Variants in PRH1 observed in about 807,000 individuals in gnomAD.
PRH1 encodes the protein salivary acidic proline-rich phosphoprotein 1/2.
Under a neutral mutation model 7.9 loss-of-function variants are expected in PRH1, and 7 were observed. That is an observed-to-expected ratio of 0.89 (90% confidence interval 0.50 to 1.67). PRH1 has a LOEUF of 1.67. Ranked by LOEUF, PRH1 falls within the 40% of genes most tolerant of loss-of-function variation. The pLI, the probability that PRH1 is intolerant of heterozygous loss-of-function variation, is 0.00. For missense variants in PRH1, 109 were observed against 223.6 expected, an observed-to-expected ratio of 0.49 and a Z score of 3.27; for synonymous variants, 45 against 80.8, an observed-to-expected ratio of 0.56 and a Z score of 2.38.
chr12:10,966,994 A>G (rs1938532834), intron 2 of PRH1, among the ~76,000 whole-genome samples: 1 of 152,024 alleles, frequency 6.6e-6, no homozygotes, highest in Non-Finnish European at 1.5e-5. Context: ...GGGCACCTGT[A>G]GTCCCAGCTA....
In PRH1 at chr12:11,097,464, T is replaced by G. The variant is rs190799981; in HGVS notation, n.124-50276A>C. ...GCTGTATCTTTCTTATTAAGGAATT[T>G]TATTTACACGAAAATTAAATTGTTT... On this transcript the variant is annotated intron_variant and non_coding_transcript_variant, in intron 1 of 4. Coordinates refer to the PRH1 transcript ENST00000541977. Among the ~76,000 whole-genome samples the G allele has an allele frequency of 1.7e-5, 2 of 114,838 alleles. 1 individual carries two copies. The highest frequency in any genetic ancestry group is 1.8e-4 in the Admixed American group (2 of 11,394). 75.3% of individuals were successfully genotyped at this position (114,838 alleles called of 152,430 possible).
intron 2 of PRH1, among the ~76,000 whole-genome samples, chr12:10,927,129 G>A (rs574216845): frequency 6.6e-6 from 1 of 152,296 alleles, no homozygotes; most frequent in East Asian, 1.9e-4. Context: ...TCATGGAAGG[G>A]ACCTGAGCTG....
intron 1 of PRH1, among the ~76,000 whole-genome samples, chr12:11,128,800 G>T (rs1946226179): frequency 6.6e-6 from 1 of 151,734 alleles, no homozygotes. Context: ...GTTTTGTTAG[G>T]AGTTAATATA....
At chr12:10,943,207 T>G (rs952317954) in intron 2 of PRH1, among the ~76,000 whole-genome samples, 2 of 152,222 alleles carry the variant, frequency 1.3e-5, no homozygotes, top group Non-Finnish European at 2.9e-5. Context: ...GAACTGCAAT[T>G]TAGTCCTGCC....
chr12:10,917,152 G>A (rs1949983681), intron 2 of PRH1, among the ~76,000 whole-genome samples: 1 of 152,084 alleles, frequency 6.6e-6, no homozygotes, highest in South Asian at 2.1e-4. Context: ...TATGAGATAA[G>A]CTGGTGAGAA....
intron 1 of PRH1, among the ~76,000 whole-genome samples, chr12:11,000,930 T>C (rs192329479): frequency 6.6e-6 from 1 of 152,268 alleles, no homozygotes; most frequent in African/African-American, 2.4e-5. Flanking sequence ...TCATTATCTA[T>C]GGAGAAGCAG....
intron 2 of PRH1, among the ~76,000 whole-genome samples, chr12:10,904,394 G>A (rs1395827524): frequency 2.0e-5 from 3 of 152,018 alleles, no homozygotes; most frequent in Admixed American, 6.5e-5. Context: ...GCCATCTGAT[G>A]TTTGACAAAA....
chr12:11,153,751 G>T (rs1245783388), intron 1 of PRH1, among the ~76,000 whole-genome samples: 1 of 152,070 alleles, frequency 6.6e-6, no homozygotes, highest in African/African-American at 2.4e-5. Flanking sequence ...ATGTGATACA[G>T]GACAAAGTAA....
intron 2 of PRH1, among the ~76,000 whole-genome samples, chr12:10,911,144 T>C (rs1166053799): frequency 6.6e-6 from 1 of 152,192 alleles, no homozygotes; most frequent in African/African-American, 2.4e-5. Flanking sequence ...TTATACTTTT[T>C]CATTTTAGGG....
rs571391662 is a variant in PRH1, at chr12:11,037,645, T to C, written c.-126+9375A>G. Among the ~76,000 whole-genome samples the C allele has an allele frequency of 1.3e-4, 20 of 152,384 alleles. No homozygotes were observed. In the South Asian group the frequency reaches 4.1e-3, roughly 32 times the overall value. ...TCAAATTGGAAATAAAAAGTGTCTA[T>C]CAATAATAAATATTCAAATTTTGAT... On this transcript the variant is annotated intron_variant, in intron 1 of 3. Transcript: ENST00000539853.
intron 1 of PRH1, chr12:11,078,163 A>T: frequency 1.8e-6 from 1 of 545,674 alleles, no homozygotes; most frequent in Non-Finnish European, 3.6e-6. Flanking sequence ...TACTAGAGCT[A>T]TGAAGCCATT....
chr12:11,018,784 A>AG (rs370587120), intron 1 of PRH1, among the ~76,000 whole-genome samples: 1 of 140,312 alleles, frequency 7.1e-6, no homozygotes, highest in African/African-American at 2.6e-5. Context: ...GTGAGGTCTA[A>AG]GGGGAACCCC....
rs772907408 is a variant in PRH1 at position 10,997,994 on chromosome 12, T to C, written c.-125-24273A>G. On this transcript the variant is annotated intron_variant, in intron 1 of 3. Coordinates refer to the PRH1 transcript ENST00000539853. ...TTCCTGAATGTCCAATAACATTCTT[T>C]ATACTTTTAAATTCTGTGAACAATG... 2.5e-4 allele frequency: 162 copies of C among 650,660 alleles called. 2 individuals carry two copies. The highest frequency in any genetic ancestry group is 1.7e-3 in the Middle Eastern group (5 of 2,990). The allele number at this position is 650,660 out of a possible 1,614,324, so 40.3% of individuals were successfully genotyped here.
At chr12:10,922,907 C>A (rs1172030376) in intron 2 of PRH1, among the ~76,000 whole-genome samples, 5 of 134,818 alleles carry the variant, frequency 3.7e-5, no homozygotes, top group Non-Finnish European at 7.8e-5. Flanking sequence ...CGGCTCACTG[C>A]AAGCTCCGCT....
intron 2 of PRH1, among the ~76,000 whole-genome samples, chr12:10,943,607 T>C (rs1171050609): frequency 6.6e-6 from 1 of 152,194 alleles, no homozygotes; most frequent in Non-Finnish European, 1.5e-5. Context: ...TTGTTTTTGT[T>C]TGATTGCTTT....
intron 2 of PRH1, among the ~76,000 whole-genome samples, chr12:10,927,729 T>C (rs1349632785): frequency 6.6e-6 from 1 of 152,236 alleles, no homozygotes; most frequent in Non-Finnish European, 1.5e-5. Flanking sequence ...TTTATGATTT[T>C]CTGTCACATG....
intron 1 of PRH1, among the ~76,000 whole-genome samples, chr12:11,035,419 T>G (rs1049175897): frequency 2.0e-5 from 3 of 152,154 alleles, no homozygotes; most frequent in African/African-American, 7.2e-5. Flanking sequence ...TTAACTGGTT[T>G]TTAACTCTAT....
chr12:11,142,355 A>G (rs936958571), intron 1 of PRH1, among the ~76,000 whole-genome samples: 1 of 152,186 alleles, frequency 6.6e-6, no homozygotes, highest in African/African-American at 2.4e-5. Flanking sequence ...CTCCTAAAAT[A>G]TATCTGGAAA....
At chr12:11,081,085 C>G (rs1289682477) in intron 1 of PRH1, among the ~76,000 whole-genome samples, 2 of 97,186 alleles carry the variant, frequency 2.1e-5, no homozygotes, top group African/African-American at 6.4e-5. Flanking sequence ...TTTTGTTGCT[C>G]TATTTTCTCC....
Sources: gnomAD v4.1 joint callset for allele counts (sites outside exome capture counted in the v4.1 genomes callset) on GRCh38, gnomAD v4.1.1 for gene constraint, MANE v1.5 for transcripts, NCBI Gene and HGNC (gene_info 2026-07-23, HGNC 2026-07-21) for gene names.